Variants in KAZN observed in about 807,000 individuals in gnomAD.
The protein encoded by KAZN is kazrin, periplakin interacting protein, also known as kazrin.
In KAZN, 40 loss-of-function variants were observed where a neutral mutation model predicts 87.4. The observed-to-expected ratio is 0.46, with a 90% CI of 0.36 to 0.60. KAZN has a LOEUF of 0.60. Ranked by LOEUF, KAZN falls within the 20% of genes least tolerant of loss-of-function variation. KAZN has a pLI of 0.00. For missense variants in KAZN, 898 were observed against 1,073.9 expected, an observed-to-expected ratio of 0.84 and a Z score of 2.29; for synonymous variants, 466 against 458.3, an observed-to-expected ratio of 1.02 and a Z score of -0.22.
intron 2 of KAZN, among the ~76,000 whole-genome samples, chr1:14,370,331 T>G (rs1053756356): frequency 6.6e-6 from 1 of 152,118 alleles, no homozygotes; most frequent in African/African-American, 2.4e-5. Flanking sequence ...ACAGAACACA[T>G]GAAGGCTGCC....
rs1432524685 is a variant in KAZN, at chr1:14,662,913, T to C, written c.226+63690T>C. ...TATATTATATATGTAAATATATATA[T>C]ACACATATATATGTATATATTATAT... On this transcript the variant is annotated intron_variant, in intron 1 of 14. Coordinates refer to ENST00000376030, the MANE Select transcript of KAZN (RefSeq NM_201628.3). Among the ~76,000 whole-genome samples the C allele has an allele frequency of 9.7e-5, 14 of 144,354 alleles. No homozygotes were observed. The East Asian group carries it at 1.4e-3, about 14-fold the overall frequency. The allele number at this position is 144,354 out of a possible 152,430, so 94.7% of individuals were successfully genotyped here.
chr1:14,307,173 C>T (rs1654989367), intron 2 of KAZN, among the ~76,000 whole-genome samples: 1 of 152,152 alleles, frequency 6.6e-6, no homozygotes, highest in Non-Finnish European at 1.5e-5. Flanking sequence ...TGCCTGATCA[C>T]CTGTTGAAAT....
chr1:13,901,848 G>C lies in KAZN; in HGVS notation c.91+8092G>C, dbSNP rs139227541. On this transcript the variant is annotated intron_variant, in intron 1 of 16. Coordinates refer to the KAZN transcript ENST00000636203. ...TTCTTGCATCCTTGCCTAGCTTGTT[G>C]TACGATGAAGTATGCACTAGGATTG... 1.9e-3 allele frequency among the ~76,000 whole-genome samples: 283 copies of C among 152,364 alleles called. 6 individuals are homozygous for C. Among genetic ancestry groups the C allele is most frequent in the African/African-American group, 6.5e-3 (269 of 41,590 alleles).
intron 2 of KAZN, among the ~76,000 whole-genome samples, chr1:14,559,392 G>T (rs1425005661): frequency 4.6e-5 from 7 of 152,162 alleles, no homozygotes; most frequent in Non-Finnish European, 8.8e-5. Flanking sequence ...GGAATGATGG[G>T]TCTCACAGTC....
chr1:14,236,656 GC>G (rs1648450006), intron 2 of KAZN, among the ~76,000 whole-genome samples: 1 of 152,170 alleles, frequency 6.6e-6, no homozygotes, highest in Non-Finnish European at 1.5e-5. Flanking sequence ...AGTGGCGCAT[GC>G]CTGTAATCCC....
In KAZN at chr1:14,298,649, C is replaced by T. The variant is rs185659598; in HGVS notation, c.249+118057C>T. ...AAAAGTTTGGAAAGGAATGAAAGTA[C>T]ACCTGGCACATGAAGCCAGTGTTAT... On this transcript the variant is annotated intron_variant, in intron 2 of 16. Coordinates refer to the KAZN transcript ENST00000636203. Among the ~76,000 whole-genome samples the T allele has an allele frequency of 3.9e-4, 59 of 152,282 alleles. 3 individuals carry two copies. The highest frequency in any genetic ancestry group is 2.9e-3 in the Admixed American group (44 of 15,304).
chr1:14,736,350 A>G (rs11589080), intron 1 of KAZN, among the ~76,000 whole-genome samples: 59,605 of 146,150 alleles, frequency 0.41, 12,552 homozygotes, highest in Middle Eastern at 0.51. Flanking sequence ...CCAGGCTAGA[A>G]TTCAATGGCG....
chr1:14,782,110 T>C (rs531913351), intron 1 of KAZN, among the ~76,000 whole-genome samples: 14 of 152,342 alleles, frequency 9.2e-5, no homozygotes, highest in Admixed American at 7.2e-4. Context: ...TATATGTGTT[T>C]GCTATTATTA....
At chr1:15,010,455 A>ATC (rs1669468890) in intron 2 of KAZN, among the ~76,000 whole-genome samples, 1 of 142,030 alleles carries the variant, frequency 7.0e-6, no homozygotes, top group Non-Finnish European at 1.5e-5. Context: ...CAGTGGCGCA[A>ATC]TCTCGGTTCA....
At chr1:14,418,195 T>C (rs1664989061) in intron 2 of KAZN, among the ~76,000 whole-genome samples, 3 of 151,940 alleles carry the variant, frequency 2.0e-5, no homozygotes, top group East Asian at 1.9e-4. Flanking sequence ...AAAGGTAGTG[T>C]TGATGAGATA....
intron 1 of KAZN, among the ~76,000 whole-genome samples, chr1:13,989,405 C>T (rs963690929): frequency 6.6e-5 from 10 of 152,122 alleles, no homozygotes; most frequent in African/African-American, 4.8e-5. Flanking sequence ...AACCTTCAGG[C>T]GGGAATCAGA....
chr1:14,916,748 C>T (rs929083361), intron 1 of KAZN, among the ~76,000 whole-genome samples: 19 of 151,584 alleles, frequency 1.3e-4, no homozygotes, highest in African/African-American at 4.6e-4. Context: ...CCTATATCTA[C>T]AAAAAAAATT....
In KAZN at chr1:15,056,056, A is replaced by G. The variant is rs755020401; in HGVS notation, c.727-35A>G. 20 of 1,574,630 alleles carry G rather than the reference A, an allele frequency of 1.3e-5. No homozygotes were observed. Among genetic ancestry groups the G allele is most frequent in the African/African-American group, 2.7e-5 (2 of 74,310 alleles). The stretch of plus-strand genomic sequence containing the variant: ...AGCTGGCCAAGAGTTCCCCTTGATC[A>G]TGACTTCTTCTTCCTGTCTTCTTGC... On this transcript the variant is annotated intron_variant, in intron 4 of 14. Coordinates refer to ENST00000376030, the MANE Select transcript of KAZN (RefSeq NM_201628.3). The surrounding 1 kb of genome is among the most constrained non-coding windows in gnomAD (Gnocchi z 5.4).
intron 2 of KAZN, among the ~76,000 whole-genome samples, chr1:14,505,791 G>A (rs1464264289): frequency 6.6e-6 from 1 of 152,124 alleles, no homozygotes; most frequent in Non-Finnish European, 1.5e-5. Context: ...CTGGGCAACA[G>A]GGTGAAACCC....
At chr1:14,631,944 A>C (rs1412253580) in intron 1 of KAZN, among the ~76,000 whole-genome samples, 1 of 152,222 alleles carries the variant, frequency 6.6e-6, no homozygotes, top group Non-Finnish European at 1.5e-5. Flanking sequence ...GCTTTGAATA[A>C]ATGTTATTTT....
chr1:15,065,808 C>T (rs778602508), intron 8 of KAZN, 55 bp downstream of exon 8: 1 of 1,595,642 alleles, frequency 6.3e-7, no homozygotes, highest in Non-Finnish European at 8.6e-7. Context: ...TACGCGCTCC[C>T]CTGCGCCTGC....
intron 1 of KAZN, among the ~76,000 whole-genome samples, chr1:14,133,239 C>T (rs1336067336): frequency 6.6e-6 from 1 of 151,706 alleles, no homozygotes; most frequent in East Asian, 1.9e-4. Context: ...TGGTGGTGAG[C>T]ACCTGTAATC....
intron 2 of KAZN, among the ~76,000 whole-genome samples, chr1:14,377,304 G>A (rs778008450): frequency 2.6e-5 from 4 of 152,162 alleles, no homozygotes; most frequent in Non-Finnish European, 5.9e-5. Flanking sequence ...TTCCAGAGAT[G>A]ACAAATGTGA....
chr1:15,002,441 G>A (rs1182327172), intron 2 of KAZN, among the ~76,000 whole-genome samples: 8 of 152,128 alleles, frequency 5.3e-5, no homozygotes, highest in South Asian at 4.1e-4. Flanking sequence ...TGAGTTTTTC[G>A]TGCCATAGAG....
Sources: allele counts gnomAD v4.1 joint callset (sites outside exome capture counted in the v4.1 genomes callset), GRCh38; gene constraint gnomAD v4.1.1; non-coding constraint Gnocchi (gnomAD v3.1); transcripts MANE v1.5; gene names NCBI Gene and HGNC (gene_info 2026-07-23, HGNC 2026-07-21).